PKP4: variants seen among roughly 807,000 people sequenced by gnomAD.
PKP4 encodes plakophilin 4.
Under a neutral mutation model 145.1 loss-of-function variants are expected in PKP4, and 90 were observed. The observed-to-expected ratio is 0.62, with a 90% confidence interval of 0.52 to 0.74. The LOEUF (loss-of-function observed/expected upper bound fraction) is 0.74. Ranked by LOEUF, PKP4 falls within the 30% of genes least tolerant of loss-of-function variation. The pLI is 0.00. For missense variants in PKP4, 1,340 were observed against 1,482.7 expected (o/e 0.90, Z 1.58); for synonymous variants, 563 against 577.2 (o/e 0.98, Z 0.35).
At chr2:158,611,106 T>G (rs1024556272) in intron 4 of PKP4, among the ~76,000 whole-genome samples, 2 of 152,128 alleles carry the variant, frequency 1.3e-5, no homozygotes, top group Non-Finnish European at 2.9e-5. Flanking sequence ...GTTAATAGAT[T>G]TGGATGAACA....
chr2:158,587,131 G>T (rs1342629032), intron 3 of PKP4, among the ~76,000 whole-genome samples: 1 of 152,048 alleles, frequency 6.6e-6, no homozygotes, highest in African/African-American at 2.4e-5. Context: ...CCACAAAAAA[G>T]ATCAGGTTAA....
intron 11 of PKP4, among the ~76,000 whole-genome samples, chr2:158,645,453 A>G (rs1475348050): frequency 1.3e-5 from 2 of 152,206 alleles, no homozygotes; most frequent in African/African-American, 4.8e-5. Context: ...TTTGCATTAC[A>G]TGAGTGCTTT....
intron 11 of PKP4, among the ~76,000 whole-genome samples, chr2:158,645,183 C>CTAT (rs1156569863): frequency 1.7e-4 from 26 of 152,184 alleles, no homozygotes; most frequent in Admixed American, 6.5e-5. Context: ...TGTATTTTGA[C>CTAT]TATTAATGCT....
rs187914798 is a variant in PKP4, at chr2:158,602,744, C to T, written c.246-326C>T. Among the ~76,000 whole-genome samples the T allele has an allele frequency of 1.5e-3, 232 of 152,016 alleles. 1 individual carries two copies. The highest frequency in any genetic ancestry group is 3.8e-3 in the African/African-American group (159 of 41,456). ...TTGGTTCTTTTTCATATATATGATACGTATGTGGTTTTCATATTATCACGA... is the reference window on the plus strand; with the variant it reads ...TTGGTTCTTTTTCATATATATGATATGTATGTGGTTTTCATATTATCACGA... On this transcript the variant is annotated intron_variant, in intron 3 of 21. Transcript: ENST00000389759.
chr2:158,496,642 A>T lies in PKP4; in HGVS notation c.-5-36538A>T, dbSNP rs1025256348. Among the ~76,000 whole-genome samples the T allele has an allele frequency of 2.0e-5, 3 of 152,092 alleles. No homozygotes were observed. In the South Asian group the frequency reaches 6.2e-4, roughly 31 times the overall value. On this transcript the variant is annotated intron_variant, in intron 1 of 21. Coordinates refer to ENST00000389759, the MANE Select transcript of PKP4 (RefSeq NM_003628.6). ...TGTCTCTCCAGAATTCAGCCTTCAC[A>T]TGTTTACCTGTGTCCCCAAAATGTT...
intron 1 of PKP4, among the ~76,000 whole-genome samples, chr2:158,526,387 AT>A (rs2042947192): frequency 1.1e-5 from 1 of 88,166 alleles, no homozygotes; most frequent in Admixed American, 1.4e-4. Context: ...CAAAAACCAC[AT>A]GATTATCTCA....
chr2:158,507,263 G>A (rs759142654), intron 1 of PKP4, among the ~76,000 whole-genome samples: 164 of 152,064 alleles, frequency 1.1e-3, no homozygotes, highest in Non-Finnish European at 4.1e-4. Flanking sequence ...ATTGTTTCTG[G>A]GTGTTTTTCA....
intron 2 of PKP4, among the ~76,000 whole-genome samples, chr2:158,566,503 T>A (rs566838515): frequency 2.0e-5 from 3 of 152,208 alleles, no homozygotes; most frequent in African/African-American, 7.2e-5. Context: ...AAACCCAAAT[T>A]GTTCATGTTA....
At chr2:158,486,241 T>C (rs1328083020) in intron 1 of PKP4, among the ~76,000 whole-genome samples, 1 of 152,228 alleles carries the variant, frequency 6.6e-6, no homozygotes. Flanking sequence ...GAGAAAATTG[T>C]ATTATATTGT....
chr2:158,646,861 G>T (rs894522692), intron 11 of PKP4, among the ~76,000 whole-genome samples: 5 of 152,078 alleles, frequency 3.3e-5, no homozygotes, highest in Admixed American at 6.5e-5. Context: ...TACCTGGTGG[G>T]GTTAAGTCTG....
chr2:158,565,244 G>C (rs540864262), intron 2 of PKP4, among the ~76,000 whole-genome samples: 4 of 152,264 alleles, frequency 2.6e-5, no homozygotes, highest in Middle Eastern at 3.4e-3. Context: ...TAAAAGGAAA[G>C]TTAGACATTT....
At chr2:158,513,183 A>G (rs553375788) in intron 1 of PKP4, among the ~76,000 whole-genome samples, 1 of 152,306 alleles carries the variant, frequency 6.6e-6, no homozygotes, top group Admixed American at 6.5e-5. Flanking sequence ...CTGTTCCTTG[A>G]TGATAGGTTA....
intron 15 of PKP4, chr2:158,665,852 T>TCC (rs2057035142): frequency 6.6e-6 from 1 of 152,248 alleles, no homozygotes; most frequent in Non-Finnish European, 1.5e-5. Context: ...ACTTACTTTT[T>TCC]CACCAGGCTG....
intron 1 of PKP4, 38 bp from the exon 2 acceptor site, chr2:158,533,142 C>T (rs1233476509): frequency 6.4e-6 from 10 of 1,562,186 alleles, no homozygotes; most frequent in Non-Finnish European, 8.7e-6. Flanking sequence ...CAAGGGAGCC[C>T]AGAAGAAAGT....
intron 1 of PKP4, among the ~76,000 whole-genome samples, chr2:158,486,158 A>C (rs1402498158): frequency 6.6e-6 from 1 of 152,176 alleles, no homozygotes; most frequent in Non-Finnish European, 1.5e-5. Context: ...AACTTTTTTA[A>C]ATTCTTACTT....
intron 3 of PKP4, among the ~76,000 whole-genome samples, chr2:158,600,385 G>A (rs1033466315): frequency 9.9e-5 from 15 of 152,146 alleles, no homozygotes; most frequent in African/African-American, 3.6e-4. Context: ...AAGGGAACCG[G>A]GATGGAGTCA....
intron 2 of PKP4, among the ~76,000 whole-genome samples, chr2:158,573,365 A>T (rs961455974): frequency 2.0e-5 from 3 of 152,216 alleles, no homozygotes; most frequent in Non-Finnish European, 2.9e-5. Context: ...TACTCATGTG[A>T]ATATTAAGCA....
chr2:158,661,394 G>A lies in PKP4; in HGVS notation c.2155G>A (p.Asp719Asn). Reference sequence around the variant, plus strand: ...AATGCGGTCCTGCGAGGGGCTGGTAGACTCACTGTTGTATGTGATCCACAC... The same window carrying A: ...AATGCGGTCCTGCGAGGGGCTGGTAAACTCACTGTTGTATGTGATCCACAC... ...KQMRSCEGLV[D>N]SLLYVIHTCV... Residue 719 changes from aspartate (D) to asparagine (N), a missense_variant, in exon 13 of 22, where the codon GAC (aspartate) becomes AAC (asparagine). Asp to Asn is a conservative substitution (Grantham distance 23). Transcript: ENST00000389759. The A allele has an allele frequency of 6.2e-7, 1 of 1,613,972 alleles. No homozygotes were observed. The highest frequency in any genetic ancestry group is 8.5e-7 in the Non-Finnish European group (1 of 1,179,874).
At chr2:158,633,954 G>T in intron 8 of PKP4, 116 bp from the exon 9 acceptor site, 1 of 612,278 alleles carries the variant, frequency 1.6e-6, no homozygotes, top group Non-Finnish European at 2.9e-6. Flanking sequence ...CTAAAAGTAA[G>T]CGATTTATAT....
Sources: gnomAD v4.1 joint callset for allele counts (sites outside exome capture counted in the v4.1 genomes callset) on GRCh38, gnomAD v4.1.1 for gene constraint, MANE v1.5 for transcripts, NCBI Gene and HGNC (gene_info 2026-07-23, HGNC 2026-07-21) for gene names.